MCTP2: variants seen among roughly 807,000 people sequenced by gnomAD.
MCTP2 encodes multiple C2 and transmembrane domain-containing protein 2.
Under a neutral mutation model 111.6 loss-of-function variants are expected in MCTP2, and 132 were observed. The observed-to-expected ratio is 1.18, with a 90% CI of 1.03 to 1.37. MCTP2 has a LOEUF of 1.37. Ranked by LOEUF, MCTP2 falls within the 40% of genes most tolerant of loss-of-function variation. The pLI is 0.00. For synonymous variants in MCTP2, 395 were observed against 387.7 expected, an observed-to-expected ratio of 1.02 and a Z score of -0.22; for missense variants, 1,183 against 1,067.9, an observed-to-expected ratio of 1.11 and a Z score of -1.50.
At chr15:94,309,229 C>A (rs2076021761) in intron 2 of MCTP2, among the ~76,000 whole-genome samples, 1 of 152,104 alleles carries the variant, frequency 6.6e-6, no homozygotes, top group East Asian at 1.9e-4. Flanking sequence ...CCGTCTGATT[C>A]CTTTTGCTTA....
intron 1 of MCTP2, among the ~76,000 whole-genome samples, chr15:94,244,755 T>C (rs1008160202): frequency 1.1e-4 from 17 of 149,274 alleles, no homozygotes; most frequent in Non-Finnish European, 2.4e-4. Context: ...CATATGCACC[T>C]ATGTTTATAT....
chr15:94,361,084 GTTTTTT>G (rs67774490), intron 10 of MCTP2, among the ~76,000 whole-genome samples: 145 of 8,396 alleles, frequency 0.017, 3 homozygotes, highest in African/African-American at 0.043. Flanking sequence ...AATATTTCAA[GTTTTTT>G]TTTTTTTTTT....
chr15:94,264,470 A>G (rs1317330960), intron 1 of MCTP2, among the ~76,000 whole-genome samples: 1 of 152,024 alleles, frequency 6.6e-6, no homozygotes, highest in African/African-American at 2.4e-5. Flanking sequence ...TTAGCTGGGC[A>G]TGGTGGCGGG....
At chr15:94,354,971 T>G (rs1224443242) in intron 8 of MCTP2, among the ~76,000 whole-genome samples, 1 of 152,250 alleles carries the variant, frequency 6.6e-6, no homozygotes, top group Non-Finnish European at 1.5e-5. Context: ...ATTTACATTC[T>G]TCAGCCCATT....
intron 17 of MCTP2, among the ~76,000 whole-genome samples, chr15:94,414,997 C>T (rs1297200175): frequency 1.3e-5 from 2 of 152,072 alleles, no homozygotes; most frequent in African/African-American, 4.8e-5. Context: ...GCAGTCCAGC[C>T]TGAGAGTCAG....
intron 3 of MCTP2, chr15:94,314,963 G>A: frequency 3.0e-6 from 1 of 334,914 alleles, no homozygotes; most frequent in South Asian, 2.4e-5. Flanking sequence ...CAGAGACAAT[G>A]TCCTTTGGGG....
At chr15:94,379,253 T>C (rs978498098) in intron 12 of MCTP2, among the ~76,000 whole-genome samples, 2 of 151,530 alleles carry the variant, frequency 1.3e-5, no homozygotes, top group Admixed American at 1.3e-4. Context: ...TGCTGAAGAG[T>C]TGGTGAACAG....
chr15:94,242,950 C>CACATAT (rs1364849728), intron 1 of MCTP2, among the ~76,000 whole-genome samples: 3 of 82,212 alleles, frequency 3.6e-5, no homozygotes, highest in African/African-American at 1.3e-4. Flanking sequence ...TATGTAGATA[C>CACATAT]ACATATACAC....
At chr15:94,312,690 C>G (rs982328344) in intron 2 of MCTP2, among the ~76,000 whole-genome samples, 2 of 152,168 alleles carry the variant, frequency 1.3e-5, no homozygotes, top group Non-Finnish European at 2.9e-5. Flanking sequence ...TTACAAGAAC[C>G]TTAGGGCCTC....
chr15:94,378,073 A>G (rs1192591261), intron 12 of MCTP2, among the ~76,000 whole-genome samples: 2 of 152,140 alleles, frequency 1.3e-5, no homozygotes, highest in Admixed American at 1.3e-4. Context: ...AGGGAATGAT[A>G]TGATCCGATA....
intron 1 of MCTP2, among the ~76,000 whole-genome samples, chr15:94,265,877 G>T (rs1037914116): frequency 6.6e-6 from 1 of 152,156 alleles, no homozygotes; most frequent in East Asian, 1.9e-4. Flanking sequence ...AATTAAACAT[G>T]TCATCAACAT....
At chr15:94,311,328 A>G (rs1043130438) in intron 2 of MCTP2, among the ~76,000 whole-genome samples, 1 of 152,152 alleles carries the variant, frequency 6.6e-6, no homozygotes. Context: ...CACTCAGCCT[A>G]GGAACATTTT....
intron 8 of MCTP2, among the ~76,000 whole-genome samples, chr15:94,347,772 T>C (rs1317890241): frequency 6.6e-6 from 1 of 152,224 alleles, no homozygotes; most frequent in Non-Finnish European, 1.5e-5. Context: ...TAACAGTGGT[T>C]ATTTACCTTA....
At chr15:94,445,376 T>C (rs1003369343) in intron 19 of MCTP2, among the ~76,000 whole-genome samples, 2 of 152,256 alleles carry the variant, frequency 1.3e-5, no homozygotes, top group Non-Finnish European at 2.9e-5. Context: ...TGAAATCTTC[T>C]AGAGGAATAA....
At chr15:94,272,352 A>C (rs766722372) in intron 1 of MCTP2, among the ~76,000 whole-genome samples, 2 of 152,216 alleles carry the variant, frequency 1.3e-5, no homozygotes, top group Non-Finnish European at 2.9e-5. Context: ...CCAATCAATG[A>C]GTAATTACTG....
At chr15:94,300,708 A>G (rs550319309) in intron 2 of MCTP2, among the ~76,000 whole-genome samples, 1 of 152,204 alleles carries the variant, frequency 6.6e-6, no homozygotes, top group South Asian at 2.1e-4. Context: ...CTGTTGTTGC[A>G]AAATGTTTCA....
intron 4 of MCTP2, among the ~76,000 whole-genome samples, chr15:94,316,592 C>T (rs294548): frequency 0.85 from 129,305 of 152,234 alleles, 55,151 homozygotes; most frequent in East Asian, 0.99. Context: ...ACTTATATAA[C>T]GTCCAGTATT....
rs370852856 is a variant in MCTP2, at chr15:94,321,118, G to A, written c.637+5481G>A. The stretch of plus-strand genomic sequence containing the variant: ...CACGTGTGAGCTAGAAAGTTGATCC[G>A]TGGAGACAGAGAGGAGAATGCTTAC... On this transcript the variant is annotated intron_variant, in intron 4 of 22. Coordinates refer to ENST00000357742, the MANE Select transcript of MCTP2 (RefSeq NM_001385001.1). 5.6e-4 allele frequency among the ~76,000 whole-genome samples: 85 copies of A among 152,266 alleles called. No homozygotes were observed. The Middle Eastern group carries it at 0.014, about 24-fold the overall frequency.
intron 1 of MCTP2, among the ~76,000 whole-genome samples, chr15:94,295,247 G>T (rs200994475): frequency 0.29 from 43,998 of 151,936 alleles, 6,428 homozygotes; most frequent in African/African-American, 0.32. Flanking sequence ...ACCACACCTG[G>T]CCGGGACTGG....
Sources: gnomAD v4.1 joint callset for allele counts (sites outside exome capture counted in the v4.1 genomes callset) on GRCh38, gnomAD v4.1.1 for gene constraint, MANE v1.5 for transcripts, NCBI Gene and HGNC (gene_info 2026-07-23, HGNC 2026-07-21) for gene names.